NPAS3: variants seen among roughly 807,000 people sequenced by gnomAD.
NPAS3 encodes the protein neuronal PAS domain protein 3, also known as neuronal PAS domain-containing protein 3.
A neutral mutation model predicts 73.1 loss-of-function variants in NPAS3; 14 were observed. The ratio of observed to expected loss-of-function variants is 0.19; its 90% CI spans 0.13 to 0.30. The LOEUF is 0.30. NPAS3 is among the 10% of genes least tolerant of loss of function. NPAS3 has a pLI of 1.00. For missense variants in NPAS3, 1,096 were observed against 1,250.0 expected, an observed-to-expected ratio of 0.88 and a Z score of 1.86; for synonymous variants, 620 against 541.5, an observed-to-expected ratio of 1.14 and a Z score of -2.01.
At chr14:33,605,197 C>T (rs1429715328) in intron 5 of NPAS3, among the ~76,000 whole-genome samples, 2 of 151,756 alleles carry the variant, frequency 1.3e-5, no homozygotes, top group African/African-American at 4.8e-5. Flanking sequence ...AATAGAACTT[C>T]CTCAAGTTGA....
intron 7 of NPAS3, among the ~76,000 whole-genome samples, chr14:33,761,729 A>C (rs58478892): frequency 0.26 from 39,933 of 152,074 alleles, 6,079 homozygotes; most frequent in African/African-American, 0.4. Flanking sequence ...GACTTGAGGA[A>C]GGAAATTTTT....
chr14:33,738,888 T>C (rs1036998924), intron 7 of NPAS3, among the ~76,000 whole-genome samples: 1 of 152,152 alleles, frequency 6.6e-6, no homozygotes. Flanking sequence ...GTATAGCGCA[T>C]GGGGTAAAAG....
intron 7 of NPAS3, among the ~76,000 whole-genome samples, chr14:33,739,158 G>A (rs374161561): frequency 1.2e-4 from 19 of 152,298 alleles, no homozygotes; most frequent in African/African-American, 4.6e-4. Flanking sequence ...AATGCTCGGA[G>A]TGTCTTCAAA....
chr14:33,053,767 A>G (rs963974352), intron 1 of NPAS3, among the ~76,000 whole-genome samples: 2 of 152,172 alleles, frequency 1.3e-5, no homozygotes, highest in Non-Finnish European at 2.9e-5. Context: ...ATTTTCTGTC[A>G]CGAACAAAAG....
At chr14:32,956,169 A>G (rs796465314) in intron 1 of NPAS3, among the ~76,000 whole-genome samples, 27 of 152,310 alleles carry the variant, frequency 1.8e-4, no homozygotes, top group African/African-American at 6.5e-4. Flanking sequence ...ATAGTCAATT[A>G]TAATTCCATA....
intron 5 of NPAS3, among the ~76,000 whole-genome samples, chr14:33,593,393 C>T (rs2139956890): frequency 6.6e-6 from 1 of 152,276 alleles, no homozygotes; most frequent in East Asian, 1.9e-4. Flanking sequence ...GTGCATGATA[C>T]ATGGGAAATG....
At chr14:32,986,734 A>G (rs368849763) in intron 1 of NPAS3, among the ~76,000 whole-genome samples, 1 of 152,264 alleles carries the variant, frequency 6.6e-6, no homozygotes, top group Non-Finnish European at 1.5e-5. Flanking sequence ...ACTGCATAAC[A>G]TTTAGTTAAC....
At chr14:33,189,027 G>A (rs1468985268) in intron 2 of NPAS3, among the ~76,000 whole-genome samples, 1 of 152,140 alleles carries the variant, frequency 6.6e-6, no homozygotes, top group Non-Finnish European at 1.5e-5. Context: ...TTTAAGTATT[G>A]GAAGTTGTTT....
chr14:33,766,177 A>C (rs1021471270), intron 7 of NPAS3, among the ~76,000 whole-genome samples: 1 of 152,202 alleles, frequency 6.6e-6, no homozygotes, highest in Non-Finnish European at 1.5e-5. Context: ...TCACATGCAT[A>C]CGTGTACCTG....
At chr14:33,737,581 A>G (rs777409947) in intron 7 of NPAS3, among the ~76,000 whole-genome samples, 1 of 152,100 alleles carries the variant, frequency 6.6e-6, no homozygotes, top group Non-Finnish European at 1.5e-5. Flanking sequence ...AAGTTGATTC[A>G]TCCTCTGTTC....
chr14:33,738,152 A>C (rs923152494), intron 7 of NPAS3, among the ~76,000 whole-genome samples: 3 of 152,192 alleles, frequency 2.0e-5, no homozygotes. Flanking sequence ...TATGCCAGGC[A>C]TGGTCCAAAT....
intron 1 of NPAS3, among the ~76,000 whole-genome samples, chr14:32,946,637 A>G (rs188622243): frequency 2.4e-4 from 37 of 152,280 alleles, no homozygotes; most frequent in Admixed American, 6.5e-4. Context: ...AATAATAGGT[A>G]TAATAGAAAT....
chr14:33,775,395 G>T (rs748315144), intron 8 of NPAS3, among the ~76,000 whole-genome samples: 1 of 152,130 alleles, frequency 6.6e-6, no homozygotes, highest in East Asian at 1.9e-4. Context: ...CTGTTGTCAG[G>T]CTTATTCACT....
chr14:33,316,264 G>T (rs1014274854), intron 3 of NPAS3, among the ~76,000 whole-genome samples: 1 of 152,050 alleles, frequency 6.6e-6, no homozygotes, highest in African/African-American at 2.4e-5. Flanking sequence ...GAAGTCAACA[G>T]ATTTTTTTAA....
chr14:33,310,681 A>G (rs957220025), intron 3 of NPAS3, among the ~76,000 whole-genome samples: 14 of 152,092 alleles, frequency 9.2e-5, no homozygotes, highest in African/African-American at 2.9e-4. Context: ...TGTGTTTTTA[A>G]GAATCAGTCC....
intron 3 of NPAS3, among the ~76,000 whole-genome samples, chr14:33,271,112 T>C (rs905191049): frequency 3.3e-5 from 5 of 152,166 alleles, no homozygotes; most frequent in Admixed American, 1.3e-4. Flanking sequence ...GTATGGACAG[T>C]CATATAGAAA....
intron 7 of NPAS3, among the ~76,000 whole-genome samples, chr14:33,747,823 T>C (rs1167056419): frequency 2.0e-5 from 3 of 152,198 alleles, no homozygotes; most frequent in African/African-American, 7.2e-5. Context: ...CTAAAGTATA[T>C]ATTGTCCTGA....
intron 3 of NPAS3, among the ~76,000 whole-genome samples, chr14:33,285,208 A>G (rs2041823913): frequency 6.6e-6 from 1 of 152,142 alleles, no homozygotes. Flanking sequence ...GAATGAAAAC[A>G]CATGAATGGG....
intron 7 of NPAS3, among the ~76,000 whole-genome samples, chr14:33,761,178 C>T (rs1465391733): frequency 6.6e-6 from 1 of 151,166 alleles, no homozygotes; most frequent in Non-Finnish European, 1.5e-5. Context: ...ATTTGCTTGG[C>T]CACTGACAGT....
Sources: allele counts gnomAD v4.1 joint callset (sites outside exome capture counted in the v4.1 genomes callset), GRCh38; gene constraint gnomAD v4.1.1; transcripts MANE v1.5; gene names NCBI Gene and HGNC (gene_info 2026-07-23, HGNC 2026-07-21).